Variants in COP1 observed in about 807,000 individuals in gnomAD.
COP1 encodes E3 ubiquitin-protein ligase COP1.
A neutral mutation model predicts 101.3 loss-of-function variants in COP1; 24 were observed. That is an observed-to-expected ratio of 0.24 (90% confidence interval 0.17 to 0.33). COP1 has a LOEUF of 0.33. COP1 is among the 10% of genes least tolerant of loss of function. COP1 has a pLI of 1.00. For missense variants in COP1, 663 were observed against 906.2 expected, an observed-to-expected ratio of 0.73 and a Z score of 3.45; for synonymous variants, 347 against 341.9, an observed-to-expected ratio of 1.01 and a Z score of -0.17.
At chr1:175,992,709 T>G (rs180867842) in intron 15 of COP1, among the ~76,000 whole-genome samples, 1 of 152,324 alleles carries the variant, frequency 6.6e-6, no homozygotes, top group African/African-American at 2.4e-5. Context: ...CACCTGCCAT[T>G]GCCCAGGCTT....
chr1:176,168,011 T>C (rs1234840020), intron 3 of COP1, among the ~76,000 whole-genome samples: 3 of 152,106 alleles, frequency 2.0e-5, no homozygotes, highest in Non-Finnish European at 4.4e-5. Context: ...GTATTTTTTA[T>C]TAGTGGTTAA....
chr1:175,949,991 T>C (rs1480705800), intron 18 of COP1, among the ~76,000 whole-genome samples: 1 of 152,108 alleles, frequency 6.6e-6, no homozygotes. Flanking sequence ...CCAATATAAA[T>C]AAGATAATCT....
chr1:176,155,745 G>A (rs1402356508), intron 5 of COP1, among the ~76,000 whole-genome samples: 1 of 152,018 alleles, frequency 6.6e-6, no homozygotes, highest in African/African-American at 2.4e-5. Context: ...ATGTCAGAAA[G>A]AAAATCTTAA....
At chr1:176,003,999 C>T (rs1662451343) in intron 15 of COP1, among the ~76,000 whole-genome samples, 1 of 149,186 alleles carries the variant, frequency 6.7e-6, no homozygotes, top group Non-Finnish European at 1.5e-5. Flanking sequence ...AATGTTCTTC[C>T]ATTTGTTTGT....
At chr1:176,106,509 A>G (rs1334710086) in intron 9 of COP1, among the ~76,000 whole-genome samples, 2 of 152,216 alleles carry the variant, frequency 1.3e-5, no homozygotes, top group Non-Finnish European at 2.9e-5. Flanking sequence ...AACTGCTCTT[A>G]AGATCAGTGC....
At chr1:176,081,999 G>A (rs554757655) in intron 10 of COP1, among the ~76,000 whole-genome samples, 3 of 152,222 alleles carry the variant, frequency 2.0e-5, no homozygotes, top group African/African-American at 7.2e-5. Flanking sequence ...GTCCACTTCA[G>A]TAAACTATTG....
intron 11 of COP1, among the ~76,000 whole-genome samples, chr1:176,061,534 G>A (rs1275738524): frequency 6.6e-6 from 1 of 152,194 alleles, no homozygotes; most frequent in African/African-American, 2.4e-5. Context: ...GCTGAGGCAG[G>A]AGAATCACTT....
chr1:176,164,068 G>T (rs1694736427), intron 3 of COP1, among the ~76,000 whole-genome samples, 177 bp from the exon 4 acceptor site: 1 of 152,152 alleles, frequency 6.6e-6, no homozygotes. Context: ...CAGTTTTGCT[G>T]CAGCTGCTAC....
rs150627871 is a variant in COP1, at chr1:175,958,966, G to A, written c.2134-11727C>T. Among the ~76,000 whole-genome samples, 398 of 151,936 alleles carry A rather than the reference G, an allele frequency of 2.6e-3. 3 individuals are homozygous for A. The highest frequency in any genetic ancestry group is 9.2e-3 in the African/African-American group (380 of 41,492). Reference sequence around the variant, plus strand: ...AGAACTCCTTAATTTGCTTTATGAAGTTAATATACCCATGAAATCAAAACC... The same window carrying A: ...AGAACTCCTTAATTTGCTTTATGAAATTAATATACCCATGAAATCAAAACC... On this transcript the variant is annotated intron_variant, in intron 18 of 19. Coordinates refer to ENST00000367669, the MANE Select transcript of COP1 (RefSeq NM_022457.7).
At chr1:176,185,966 G>C (rs1698392003) in intron 1 of COP1, among the ~76,000 whole-genome samples, 1 of 152,136 alleles carries the variant, frequency 6.6e-6, no homozygotes, top group African/African-American at 2.4e-5. Context: ...GGAATGTAAA[G>C]TCTAATGGCA....
chr1:176,028,601 G>A (rs868499047), intron 14 of COP1, among the ~76,000 whole-genome samples: 1 of 143,506 alleles, frequency 7.0e-6, no homozygotes, highest in African/African-American at 2.6e-5. Context: ...ATAGATAAAC[G>A]ATAAATTTAT....
At position 175,986,994 on chromosome 1, in the gene COP1, ATCT is replaced by A. The variant is rs1261937134; in HGVS notation, c.2079_2081del (p.Glu693del). On this transcript the variant is annotated inframe_deletion, in exon 18 of 20. Coordinates refer to ENST00000367669, the MANE Select transcript of COP1 (RefSeq NM_022457.7). ...CAGCACTAACAAATTCATTTGTATC[ATCT>A]TCTTTTCGGTCTTTGTCGAGAACAC... 2 of 1,611,678 alleles carry A rather than the reference ATCT, an allele frequency of 1.2e-6. No homozygotes were observed. Among genetic ancestry groups the A allele is most frequent in the Admixed American group, 1.7e-5 (1 of 59,428 alleles).
Position 176,085,905 on chromosome 1 carries a change from A to G in COP1, c.1027-15T>C. The G allele has an allele frequency of 7.0e-7, 1 of 1,425,198 alleles. No homozygotes were observed. The highest frequency in any genetic ancestry group is 2.3e-5 in the East Asian group (1 of 43,478). The allele number at this position is 1,425,198 out of a possible 1,614,324, so 88.3% of individuals were successfully genotyped here. On this transcript the variant is annotated splice_polypyrimidine_tract_variant and intron_variant, in intron 9 of 19. Transcript: ENST00000367669. Reference sequence around the variant, plus strand: ...TGTTTCTTTGTCTAAAATAATAAGAAAAGACACAAAACTTAGAATAAACAA... The same window carrying G: ...TGTTTCTTTGTCTAAAATAATAAGAGAAGACACAAAACTTAGAATAAACAA...
At chr1:175,973,737 T>C (rs1653832051) in intron 18 of COP1, among the ~76,000 whole-genome samples, 1 of 152,194 alleles carries the variant, frequency 6.6e-6, no homozygotes. Flanking sequence ...AATCTAATGG[T>C]ATTTATCTAC....
rs149404894 is a variant in COP1 at position 176,124,733 on chromosome 1, G to C, written c.969-8052C>G. Among the ~76,000 whole-genome samples, 685 of 152,286 alleles carry C rather than the reference G, an allele frequency of 4.5e-3. 8 individuals carry two copies. Among genetic ancestry groups the C allele is most frequent in the African/African-American group, 0.016 (644 of 41,542 alleles). ...GTGAACAGTGCTGCAACAAACATGG[G>C]AATGCAGATAACTCTTTCATGTATA... On this transcript the variant is annotated intron_variant, in intron 8 of 19. Transcript: ENST00000367669.
chr1:175,982,808 C>T (rs757439917), intron 18 of COP1, among the ~76,000 whole-genome samples: 6 of 152,020 alleles, frequency 3.9e-5, no homozygotes, highest in Admixed American at 1.3e-4. Context: ...CTCATTTATA[C>T]GTGTAATCTT....
chr1:176,151,319 GAAGGAAAGA>G (rs1229229076), intron 5 of COP1, among the ~76,000 whole-genome samples: 1 of 133,990 alleles, frequency 7.5e-6, no homozygotes, highest in East Asian at 2.1e-4. Flanking sequence ...GAGAAAGAAA[GAAGGAAAGA>G]AAGAAAGAAG....
chr1:175,967,472 TGA>T (rs1375663594), intron 18 of COP1, among the ~76,000 whole-genome samples: 1 of 151,564 alleles, frequency 6.6e-6, no homozygotes, highest in Non-Finnish European at 1.5e-5. Flanking sequence ...GGTGACACAG[TGA>T]GACTCAGTCT....
intron 3 of COP1, among the ~76,000 whole-genome samples, chr1:176,168,088 C>T (rs948021812): frequency 4.0e-5 from 6 of 151,224 alleles, no homozygotes; most frequent in South Asian, 2.1e-4. Flanking sequence ...AACAGAGTCT[C>T]GCCCTGTCGC....
Sources: allele counts gnomAD v4.1 joint callset (sites outside exome capture counted in the v4.1 genomes callset), GRCh38; gene constraint gnomAD v4.1.1; transcripts MANE v1.5; gene names NCBI Gene and HGNC (gene_info 2026-07-23, HGNC 2026-07-21).